The following GRM3 variants were observed in gnomAD, a reference collection of about 807,000 sequenced individuals.
GRM3 encodes the protein metabotropic glutamate receptor 3.
In GRM3, 26 loss-of-function variants were observed where a neutral mutation model predicts 70.5. That is an observed-to-expected ratio of 0.37 (90% CI 0.27 to 0.51). The LOEUF is 0.51. Among genes scored for constraint, GRM3 ranks in the 20% least tolerant of loss-of-function variants. The probability of loss-of-function intolerance (pLI) is 0.93; values close to 1 mark genes in which losing one functional copy is unlikely to be tolerated. For missense variants in GRM3, 859 were observed against 1,123.8 expected (o/e 0.76, Z 3.37); for synonymous variants, 443 against 434.9 (o/e 1.02, Z -0.23).
At chr7:86,791,222 G>A (rs894469183) in intron 3 of GRM3, among the ~76,000 whole-genome samples, 1 of 152,106 alleles carries the variant, frequency 6.6e-6, no homozygotes, top group Non-Finnish European at 1.5e-5. Context: ...TTCTGGCATA[G>A]AGCAGACATT....
In GRM3 at chr7:86,785,685, ATTTTTTTTTTT is replaced by A. The variant is rs749456155; in HGVS notation, c.469-553_469-543del. 2.9e-4 allele frequency among the ~76,000 whole-genome samples: 19 copies of A among 65,236 alleles called. 1 individual carries two copies. Among genetic ancestry groups the A allele is most frequent in the East Asian group, 1.3e-3 (2 of 1,534 alleles). The allele number at this position is 65,236 out of a possible 152,430, so 42.8% of individuals were successfully genotyped here. Reference sequence around the variant, plus strand: ...TTGGGTGGTGGACTAAATAGAATTGATTTTTTTTTTTTTTTTTTTTTTTTTTTTTTTTTGCT... The same window carrying A: ...TTGGGTGGTGGACTAAATAGAATTGATTTTTTTTTTTTTTTTTTTTTTGCT... On this transcript the variant is annotated intron_variant, in intron 2 of 5. Transcript: ENST00000361669.
intron 1 of GRM3, among the ~76,000 whole-genome samples, chr7:86,671,313 GTATGACTCTAA>G (rs1378609306): frequency 1.3e-5 from 2 of 152,172 alleles, no homozygotes; most frequent in African/African-American, 4.8e-5. Context: ...TAATCTCCAT[GTATGACTCTAA>G]TATGGTTTAG....
chr7:86,680,725 C>G (rs1405889611), intron 1 of GRM3, among the ~76,000 whole-genome samples: 2 of 152,100 alleles, frequency 1.3e-5, no homozygotes, highest in African/African-American at 4.8e-5. Flanking sequence ...ATAAGAAGCC[C>G]AAGTTTCAGA....
intron 1 of GRM3, among the ~76,000 whole-genome samples, chr7:86,668,475 C>A (rs1794087807): frequency 6.6e-6 from 1 of 152,062 alleles, no homozygotes; most frequent in Non-Finnish European, 1.5e-5. Context: ...TGATTTAACA[C>A]CCTTTGATCG....
intron 1 of GRM3, among the ~76,000 whole-genome samples, chr7:86,719,502 G>T (rs1795404327): frequency 6.6e-6 from 1 of 152,162 alleles, no homozygotes; most frequent in African/African-American, 2.4e-5. Context: ...TGCTTTGATA[G>T]GCATTTATAC....
intron 3 of GRM3, among the ~76,000 whole-genome samples, chr7:86,826,235 TG>T (rs1454012908): frequency 6.6e-6 from 1 of 152,194 alleles, no homozygotes; most frequent in Non-Finnish European, 1.5e-5. Flanking sequence ...CGGTTTGTGC[TG>T]GGGATAGAAA....
rs184863976 is a variant in GRM3, at chr7:86,644,169, T to C, written c.-844T>C. ...ACCCCACTCCGAAATTCACCGACCT[T>C]TGCATGCACTGCCTAAGGATTTCAG... On this transcript the variant is annotated 5_prime_UTR_variant, in exon 1 of 6. Coordinates refer to ENST00000361669, the MANE Select transcript of GRM3 (RefSeq NM_000840.3). 1 of 163,106 alleles carries C rather than the reference T, an allele frequency of 6.1e-6. No homozygotes were observed. Among genetic ancestry groups the C allele is most frequent in the African/African-American group, 2.4e-5 (1 of 41,588 alleles). 10.1% of individuals were successfully genotyped at this position (163,106 alleles called of 1,614,324 possible).
At chr7:86,768,998 A>G (rs1796673942) in intron 2 of GRM3, among the ~76,000 whole-genome samples, 1 of 152,170 alleles carries the variant, frequency 6.6e-6, no homozygotes, top group South Asian at 2.1e-4. Flanking sequence ...TTTAATAAGA[A>G]TTCTAAAAAA....
chr7:86,689,006 A>C (rs1279664410), intron 1 of GRM3, among the ~76,000 whole-genome samples: 1 of 149,052 alleles, frequency 6.7e-6, no homozygotes. Flanking sequence ...TTAATTATAT[A>C]TTCAAAACCA....
intron 1 of GRM3, among the ~76,000 whole-genome samples, chr7:86,664,797 C>T (rs1793983144): frequency 6.6e-6 from 1 of 151,972 alleles, no homozygotes; most frequent in Non-Finnish European, 1.5e-5. Flanking sequence ...CTCCTCTTGA[C>T]ACATGTGTGC....
intron 1 of GRM3, chr7:86,710,149 A>G (rs1347026082): frequency 6.6e-6 from 1 of 152,104 alleles, no homozygotes; most frequent in Non-Finnish European, 1.5e-5. Flanking sequence ...TGCAAATGTA[A>G]CTTCTATTGT....
chr7:86,724,034 A>C (rs1292232078), intron 1 of GRM3, among the ~76,000 whole-genome samples: 1 of 152,166 alleles, frequency 6.6e-6, no homozygotes, highest in Non-Finnish European at 1.5e-5. Context: ...GACTTCCTGG[A>C]AGAGGTGTTT....
rs3057233 is a variant in GRM3 at position 86,767,514 on chromosome 7, CATATATATATATATATATATATATATAT to C, written c.468+1919_468+1946del. 1.3e-3 allele frequency among the ~76,000 whole-genome samples: 126 copies of C among 100,126 alleles called. 1 individual carries two copies. Among genetic ancestry groups the C allele is most frequent in the Middle Eastern group, 0.012 (2 of 164 alleles). 65.7% of individuals were successfully genotyped at this position (100,126 alleles called of 152,430 possible). The stretch of plus-strand genomic sequence containing the variant: ...TGAGGAAAGAGTATCGGTCATACTT[CATATATATATATATATATATATATATAT>C]ATATATATATATATATAAATGAAGT... On this transcript the variant is annotated intron_variant, in intron 2 of 5. Coordinates refer to ENST00000361669, the MANE Select transcript of GRM3 (RefSeq NM_000840.3).
chr7:86,842,747 G>A (rs181132808), intron 4 of GRM3, among the ~76,000 whole-genome samples: 85 of 152,060 alleles, frequency 5.6e-4, no homozygotes, highest in African/African-American at 2.0e-3. Flanking sequence ...TATCTCAGCT[G>A]GAAGAAAGAT....
chr7:86,830,613 GATGA>G (rs1253902665), intron 3 of GRM3, among the ~76,000 whole-genome samples: 4 of 152,106 alleles, frequency 2.6e-5, no homozygotes, highest in Admixed American at 1.3e-4. Flanking sequence ...ATCACTACAT[GATGA>G]ATGAATTTCA....
chr7:86,800,063 G>A (rs188768955), intron 3 of GRM3, among the ~76,000 whole-genome samples: 1 of 152,232 alleles, frequency 6.6e-6, no homozygotes, highest in African/African-American at 2.4e-5. Flanking sequence ...ATGAAATTAA[G>A]GCAGAAATCA....
intron 2 of GRM3, among the ~76,000 whole-genome samples, chr7:86,772,797 T>C (rs1796780315): frequency 6.6e-6 from 1 of 152,118 alleles, no homozygotes; most frequent in African/African-American, 2.4e-5. Flanking sequence ...ACTAGAATAG[T>C]AAAAATGATA....
intron 1 of GRM3, among the ~76,000 whole-genome samples, chr7:86,686,741 A>G (rs1311901634): frequency 1.3e-5 from 2 of 152,182 alleles, no homozygotes; most frequent in African/African-American, 4.8e-5. Context: ...TTCAAAACAT[A>G]CAAGGCTTGC....
At chr7:86,647,060 A>G in intron 1 of GRM3, among the ~76,000 whole-genome samples, 1 of 152,218 alleles carries the variant, frequency 6.6e-6, no homozygotes, top group East Asian at 1.9e-4. Context: ...TTAAGTTGAA[A>G]TTAATATTTG....
Sources: allele counts gnomAD v4.1 joint callset (sites outside exome capture counted in the v4.1 genomes callset), GRCh38; gene constraint gnomAD v4.1.1; transcripts MANE v1.5; gene names NCBI Gene and HGNC (gene_info 2026-07-23, HGNC 2026-07-21).